SIM2: variants seen among roughly 807,000 people sequenced by gnomAD.
The protein encoded by SIM2 is single-minded homolog 2.
SIM2 carries 28 observed loss-of-function variants against 64.8 expected under a neutral mutation model. The ratio of observed to expected loss-of-function variants is 0.43; its 90% CI spans 0.32 to 0.59. The LOEUF (loss-of-function observed/expected upper bound fraction) is 0.59. SIM2 is among the 20% of genes least tolerant of loss of function. SIM2 has a pLI of 0.07. For missense variants in SIM2, 847 were observed against 871.4 expected (o/e 0.97, Z 0.35); for synonymous variants, 408 against 391.1 (o/e 1.04, Z -0.51).
rs963103274 is a variant in SIM2, at chr21:36,747,863, C to G, written c.1775C>G (p.Pro592Arg). Reference protein sequence around the residue: ...APPTPEAPGAPAQLPFVLLNY... With the variant: ...APPTPEAPGARAQLPFVLLNY... ...CCGACCCCCGAGGCCCCGGGCGCGC[C>G]GGCGCAGCTGCCCTTCGTGCTGCTC... Residue 592 changes from proline (P) to arginine (R), a missense_variant, in exon 11 of 11, where the codon CCG (proline) becomes CGG (arginine). Coordinates refer to ENST00000290399, the MANE Select transcript of SIM2 (RefSeq NM_005069.6). The surrounding 1 kb of genome is among the most constrained non-coding windows in gnomAD (Gnocchi z 4.5). The G allele has an allele frequency of 2.9e-6, 3 of 1,044,702 alleles. No homozygotes were observed. Among genetic ancestry groups the G allele is most frequent in the Non-Finnish European group, 3.5e-6 (3 of 865,644 alleles). The allele number at this position is 1,044,702 out of a possible 1,614,324, so 64.7% of individuals were successfully genotyped here.
intron 7 of SIM2, among the ~76,000 whole-genome samples, chr21:36,735,503 G>C (rs1176941475): frequency 6.6e-6 from 1 of 152,204 alleles, no homozygotes; most frequent in Admixed American, 6.5e-5. Context: ...TGCTGTGTGA[G>C]GGCTGAGGGA....
At chr21:36,722,239 G>A (rs1159862537) in intron 4 of SIM2, among the ~76,000 whole-genome samples, 2 of 152,196 alleles carry the variant, frequency 1.3e-5, no homozygotes, top group African/African-American at 4.8e-5. Flanking sequence ...GACACCATCT[G>A]CAGGGGGAAT....
At chr21:36,709,634 T>C in intron 2 of SIM2, 1 of 378,426 alleles carries the variant, frequency 2.6e-6, no homozygotes, top group South Asian at 2.1e-5. Flanking sequence ...ATTGGGCTGC[T>C]CTGAGCTCTG....
Position 36,699,875 on chromosome 21 carries a change from C to A in SIM2, c.129C>A (p.Ile43=). 1 of 1,608,306 alleles carries A rather than the reference C, an allele frequency of 6.2e-7. No homozygotes were observed. The change falls in exon 1 of 11, where the codon ATC becomes ATA. Residue 43 remains isoleucine, a synonymous_variant. Transcript: ENST00000290399. This position sits in a 1 kb window ranked among gnomAD's most constrained non-coding sequence, Gnocchi z 5.6. ...ITSQLDKASI[I]RLTTSYLKMR... Reference sequence around the variant, plus strand: ...CGCAGCTGGACAAAGCGTCCATCATCCGCCTCACCACGAGCTACCTGAAGA... The same window carrying A: ...CGCAGCTGGACAAAGCGTCCATCATACGCCTCACCACGAGCTACCTGAAGA...
intron 3 of SIM2, among the ~76,000 whole-genome samples, chr21:36,718,129 C>T (rs147212202): frequency 3.2e-4 from 49 of 152,226 alleles, no homozygotes; most frequent in African/African-American, 1.1e-3. Flanking sequence ...CTGTGAGAGC[C>T]GTTTTAGGGA....
chr21:36,736,217 T>C (rs2089045439), intron 7 of SIM2, among the ~76,000 whole-genome samples: 2 of 152,004 alleles, frequency 1.3e-5, no homozygotes, highest in Non-Finnish European at 2.9e-5. Flanking sequence ...TCGTGGGCAG[T>C]GGGTGAGGTC....
chr21:36,745,281 T>C lies in SIM2; in HGVS notation c.1576+145T>C, dbSNP rs11910583. ...CTTTCTGCTTCTAAGTAGGGCTTGC[T>C]GTGCTTTCTTGCTCTCAATGCAGGT... On this transcript the variant is annotated intron_variant, in intron 10 of 10. Transcript: ENST00000290399. This position sits in a 1 kb window ranked among gnomAD's most constrained non-coding sequence, Gnocchi z 4.8. 0.023 allele frequency: 34,196 copies of C among 1,457,712 alleles called. 469 individuals are homozygous for C. Among genetic ancestry groups the C allele is most frequent in the Non-Finnish European group, 0.027 (30,171 of 1,102,456 alleles). The allele number at this position is 1,457,712 out of a possible 1,614,324, so 90.3% of individuals were successfully genotyped here. A position where few individuals can be genotyped will look rare whatever the true frequency, so the allele number is the denominator to read the frequency against.
chr21:36,723,912 C>CAA (rs1398762620), intron 5 of SIM2, among the ~76,000 whole-genome samples: 1 of 152,362 alleles, frequency 6.6e-6, no homozygotes, highest in Admixed American at 6.5e-5. Flanking sequence ...TTTGTCCCCT[C>CAA]TCTGGGCTCC....
chr21:36,741,999 TA>T, intron 8 of SIM2, 135 bp downstream of exon 8: 4 of 1,062,464 alleles, frequency 3.8e-6, no homozygotes, highest in South Asian at 1.9e-5. Context: ...TTCTTTTTTT[TA>T]ATTTTTTTTT....
At chr21:36,701,469 G>A (rs949979359) in intron 1 of SIM2, 1 of 152,322 alleles carries the variant, frequency 6.6e-6, no homozygotes, top group Admixed American at 6.5e-5. Context: ...CGGCCCAGGA[G>A]CCAGGCGCGG....
At chr21:36,721,482 AG>A (rs998475049) in intron 4 of SIM2, among the ~76,000 whole-genome samples, 113 of 152,254 alleles carry the variant, frequency 7.4e-4, no homozygotes, top group African/African-American at 2.6e-3. Flanking sequence ...CTTGTTACCC[AG>A]GCAAGGAGTG....
rs1015572004 is a variant in SIM2, at chr21:36,699,624, G to A, written c.-123G>A. 54 of 1,103,392 alleles carry A rather than the reference G, an allele frequency of 4.9e-5. No homozygotes were observed. The African/African-American group carries it at 7.7e-4, about 16-fold the overall frequency. 68.4% of individuals were successfully genotyped at this position (1,103,392 alleles called of 1,614,324 possible). A position where few individuals can be genotyped will look rare whatever the true frequency, so the allele number is the denominator to read the frequency against. The stretch of plus-strand genomic sequence containing the variant: ...CGGGAGGCCCCCCGCACCTGCCCGC[G>A]GCCCACTCCGCGGACTCACCTGGCT... On this transcript the variant is annotated 5_prime_UTR_variant, in exon 1 of 11. Transcript: ENST00000290399. This position sits in a 1 kb window ranked among gnomAD's most constrained non-coding sequence, Gnocchi z 5.6.
At position 36,744,916 on chromosome 21, in the gene SIM2, C is replaced by G. The variant is rs140786374; in HGVS notation, c.1356C>G (p.His452Gln). The G allele has an allele frequency of 6.2e-7, 1 of 1,614,146 alleles. No homozygotes were observed. The highest frequency in any genetic ancestry group is 1.3e-5 in the African/African-American group (1 of 74,952). The change falls in exon 10 of 11, where the codon CAC becomes CAG. Residue 452 changes from histidine (H) to glutamine (Q), a missense_variant. His to Gln is a conservative substitution (Grantham distance 24, BLOSUM62 0). Coordinates refer to ENST00000290399, the MANE Select transcript of SIM2 (RefSeq NM_005069.6). ...ACGGACACTTCCCTCTGGACTCTCA[C>G]GTCTTCAGCAGCAAAAAGCCAATGT... ...YHYGHFPLDS[H>Q]VFSSKKPMLP...
intron 9 of SIM2, among the ~76,000 whole-genome samples, chr21:36,744,047 G>C (rs917128249): frequency 1.4e-4 from 22 of 152,204 alleles, no homozygotes; most frequent in Non-Finnish European, 1.3e-4. Flanking sequence ...TCAGGAGTTT[G>C]AGTCCAGCCT....
At chr21:36,735,220 G>GGTTACCCC (rs2089026720) in intron 7 of SIM2, among the ~76,000 whole-genome samples, 1 of 152,168 alleles carries the variant, frequency 6.6e-6, no homozygotes, top group Non-Finnish European at 1.5e-5. Context: ...CATGGTCAGG[G>GGTTACCCC]TGGGCCCTGC....
intron 7 of SIM2, among the ~76,000 whole-genome samples, chr21:36,740,582 C>T (rs2089147541): frequency 6.6e-6 from 1 of 152,170 alleles, no homozygotes; most frequent in African/African-American, 2.4e-5. Context: ...GAGAAAGAGC[C>T]ATCTGCAAGG....
At chr21:36,700,279 A>T (rs1601679887) in intron 1 of SIM2, among the ~76,000 whole-genome samples, 1 of 151,532 alleles carries the variant, frequency 6.6e-6, no homozygotes, top group East Asian at 2.0e-4. Flanking sequence ...TTTGGTTTGG[A>T]TTTTTTTCTC....
At chr21:36,700,286 TC>T (rs1437782971) in intron 1 of SIM2, among the ~76,000 whole-genome samples, 3 of 141,646 alleles carry the variant, frequency 2.1e-5, no homozygotes, top group African/African-American at 2.6e-5. Context: ...TGGATTTTTT[TC>T]TCTCTTTCTT....
chr21:36,740,914 T>G (rs1393290515), intron 7 of SIM2, among the ~76,000 whole-genome samples: 2 of 152,184 alleles, frequency 1.3e-5, no homozygotes, highest in African/African-American at 2.4e-5. Flanking sequence ...ACTTGTGCTA[T>G]CCTCCTCTTC....
Sources: gnomAD v4.1 joint callset for allele counts (sites outside exome capture counted in the v4.1 genomes callset) on GRCh38, gnomAD v4.1.1 for gene constraint, Gnocchi (gnomAD v3.1) non-coding constraint, MANE v1.5 for transcripts, NCBI Gene and HGNC (gene_info 2026-07-23, HGNC 2026-07-21) for gene names.